Variants in PPARGC1B observed in about 807,000 individuals in gnomAD.
PPARGC1B encodes PPARG coactivator 1 beta, also known as peroxisome proliferator-activated receptor gamma coactivator 1-beta.
In PPARGC1B, 34 loss-of-function variants were observed where a neutral mutation model predicts 101.6. That is an observed-to-expected ratio of 0.33 (90% CI 0.25 to 0.45). PPARGC1B has a LOEUF of 0.45. Ranked by LOEUF, PPARGC1B falls within the 20% of genes least tolerant of loss-of-function variation. The pLI, the probability that PPARGC1B is intolerant of heterozygous loss-of-function variation, is 1.00. For missense variants in PPARGC1B, 1,234 were observed against 1,317.6 expected, an observed-to-expected ratio of 0.94 and a Z score of 0.98; for synonymous variants, 548 against 539.3, an observed-to-expected ratio of 1.02 and a Z score of -0.22.
At chr5:149,782,379 G>A (rs1756629968) in intron 1 of PPARGC1B, among the ~76,000 whole-genome samples, 1 of 152,164 alleles carries the variant, frequency 6.6e-6, no homozygotes, top group Non-Finnish European at 1.5e-5. Context: ...CCCAAGCAGT[G>A]GGTTCCTAAT....
chr5:149,821,623 T>A (rs763653549), intron 2 of PPARGC1B, among the ~76,000 whole-genome samples: 28 of 152,352 alleles, frequency 1.8e-4, no homozygotes, highest in Middle Eastern at 3.4e-3. Flanking sequence ...TAACATCGCG[T>A]GTGCTGAACA....
Position 149,832,807 on chromosome 5 carries a change from A to C in PPARGC1B, c.734A>C (p.Lys245Thr). ...CTCCAGAGTCCCCGGCTCCCTGCCA[A>C]GGAGGACAAGGAGCCGGGTGAGGAC... ...PCLQSPRLPA[K>T]EDKEPGEDCP... The change falls in exon 5 of 12, where the codon AAG becomes ACG. Residue 245 changes from lysine to threonine, a missense_variant. By Grantham distance (78) the Lys-to-Thr change is moderately conservative. This residue lies in a region of PPARGC1B where 734 missense variants were observed against 768.4 expected (regional missense o/e 0.96). Transcript: ENST00000309241. The surrounding 1 kb of genome is among the most constrained non-coding windows in gnomAD (Gnocchi z 4.9). 1.2e-6 allele frequency: 2 copies of C among 1,611,994 alleles called. No homozygotes were observed. The highest frequency in any genetic ancestry group is 1.7e-6 in the Non-Finnish European group (2 of 1,178,950).
intron 1 of PPARGC1B, among the ~76,000 whole-genome samples, chr5:149,739,111 T>G (rs145595165): frequency 6.6e-6 from 1 of 152,236 alleles, no homozygotes; most frequent in Non-Finnish European, 1.5e-5. Context: ...AACTTTGTAT[T>G]TTAAACATTT....
In PPARGC1B at chr5:149,730,382, C is replaced by T; in HGVS notation, c.40C>T (p.Leu14Phe). 3 of 1,575,526 alleles carry T rather than the reference C, an allele frequency of 1.9e-6. No homozygotes were observed. Among genetic ancestry groups the T allele is most frequent in the East Asian group, 2.4e-5 (1 of 41,540 alleles). ...CTGCGGCGCGCTGCTGGACGAAGAG[C>T]TCTCCTCCTTCTTCCTCAACTATCT... ...NDCGALLDEE[L>F]SSFFLNYLAD... The change falls in exon 1 of 12, where the codon CTC becomes TTC. Residue 14 changes from leucine to phenylalanine, a missense_variant. Transcript: ENST00000309241. This position sits in a 1 kb window ranked among gnomAD's most constrained non-coding sequence, Gnocchi z 4.0.
intron 1 of PPARGC1B, among the ~76,000 whole-genome samples, chr5:149,734,365 TG>T (rs1754613829): frequency 2.0e-5 from 3 of 147,984 alleles, no homozygotes; most frequent in Non-Finnish European, 4.5e-5. Context: ...CTGAATATAC[TG>T]ATTTGTAACT....
chr5:149,836,494 G>A lies in PPARGC1B; in HGVS notation c.2039G>A (p.Gly680Asp). 2 of 1,614,022 alleles carry A rather than the reference G, an allele frequency of 1.2e-6. No homozygotes were observed. Among genetic ancestry groups the A allele is most frequent in the South Asian group, 1.1e-5 (1 of 91,084 alleles). ...HATAQPASQA[G>D]QKRPFSCSFG... ...ACAGCCCAGCCAGCCTCCCAGGCTG[G>A]CCAGAAGCGTCCCTTCTCCTGTTCC... The change falls in exon 8 of 12, where the codon GGC (glycine) becomes GAC (aspartate). Residue 680 changes from glycine (G) to aspartate (D), a missense_variant. Physicochemically the swap from Gly to Asp is moderately conservative, Grantham distance 94. Coordinates refer to ENST00000309241, the MANE Select transcript of PPARGC1B (RefSeq NM_133263.4).
intron 1 of PPARGC1B, among the ~76,000 whole-genome samples, chr5:149,755,880 G>C (rs1448124993): frequency 6.6e-6 from 1 of 152,030 alleles, no homozygotes; most frequent in Non-Finnish European, 1.5e-5. Context: ...CTGACTTCAG[G>C]TAATCCACCC....
intron 4 of PPARGC1B, among the ~76,000 whole-genome samples, chr5:149,831,640 A>G (rs113874251): frequency 0.034 from 5,123 of 152,194 alleles, 112 homozygotes; most frequent in African/African-American, 0.068. Flanking sequence ...CAGCAGCCAC[A>G]CCCCATTGTG....
At chr5:149,822,361 G>A (rs890667002) in intron 2 of PPARGC1B, among the ~76,000 whole-genome samples, 12 of 152,174 alleles carry the variant, frequency 7.9e-5, no homozygotes, top group African/African-American at 2.9e-4. Context: ...AGTCCTCACA[G>A]CTGGCTGAGC....
chr5:149,820,612 C>A lies in PPARGC1B; in HGVS notation c.252+6C>A. On this transcript the variant is annotated splice_donor_region_variant and intron_variant, in intron 2 of 11. Coordinates refer to ENST00000309241, the MANE Select transcript of PPARGC1B (RefSeq NM_133263.4). Reference sequence around the variant, plus strand: ...ATGACTCCGAGCTCTTCCAGGTATGCCCTTTCCAGTCTCCCCTCCTCCCAC... The same window carrying A: ...ATGACTCCGAGCTCTTCCAGGTATGACCTTTCCAGTCTCCCCTCCTCCCAC... The A allele has an allele frequency of 6.2e-7, 1 of 1,603,602 alleles. No individual in the cohort carries two copies. Among genetic ancestry groups the A allele is most frequent in the Non-Finnish European group, 8.5e-7 (1 of 1,176,048 alleles).
chr5:149,818,347 G>A (rs1425060472), intron 1 of PPARGC1B, among the ~76,000 whole-genome samples: 1 of 152,222 alleles, frequency 6.6e-6, no homozygotes, highest in Non-Finnish European at 1.5e-5. Flanking sequence ...TCAATAATGA[G>A]GATTGTGGAA....
chr5:149,731,139 A>G (rs1299661540), intron 1 of PPARGC1B, among the ~76,000 whole-genome samples: 2 of 151,300 alleles, frequency 1.3e-5, no homozygotes, highest in African/African-American at 4.9e-5. Flanking sequence ...TCCACGATGC[A>G]GGGGGAAGGG....
At chr5:149,855,813 G>A (rs1339531980), downstream of PPARGC1B, among the ~76,000 whole-genome samples, 9 of 152,140 alleles carry the variant, frequency 5.9e-5, no homozygotes, top group African/African-American at 2.2e-4. Context: ...CTGGCAAAGA[G>A]AATTATATAT....
At chr5:149,765,860 C>CAAAA (rs10712476) in intron 1 of PPARGC1B, among the ~76,000 whole-genome samples, 3 of 88,836 alleles carry the variant, frequency 3.4e-5, no homozygotes, top group African/African-American at 8.5e-5. Context: ...GACTCCGTCT[C>CAAAA]AAAAAAAAAA....
At position 149,836,726 on chromosome 5, in the gene PPARGC1B, C is replaced by T. The variant is rs1759098830; in HGVS notation, c.2271C>T (p.Asp757=). The change falls in exon 8 of 12, where the codon GAC becomes GAT. Residue 757 remains aspartate, a synonymous_variant. Coordinates refer to ENST00000309241, the MANE Select transcript of PPARGC1B (RefSeq NM_133263.4). The part of the protein sequence containing the change: ...APPKDSTLLR[D]HEIRASLTKH... Reference sequence around the variant, plus strand: ...CCAAGGACAGCACGCTGCTGAGAGACCATGAGATCCGTGCCAGCCTCACCA... The same window carrying T: ...CCAAGGACAGCACGCTGCTGAGAGATCATGAGATCCGTGCCAGCCTCACCA... The T allele has an allele frequency of 6.2e-7, 1 of 1,613,510 alleles. No individual in the cohort carries two copies. Among genetic ancestry groups the T allele is most frequent in the African/African-American group, 1.3e-5 (1 of 74,920 alleles).
intron 1 of PPARGC1B, among the ~76,000 whole-genome samples, chr5:149,798,505 CAGAGAT>C (rs1757314214): frequency 6.6e-6 from 1 of 152,174 alleles, no homozygotes; most frequent in Non-Finnish European, 1.5e-5. Flanking sequence ...GGTATGTGAT[CAGAGAT>C]AGAGAAGCAT....
chr5:149,756,148 G>A (rs1755512860), intron 1 of PPARGC1B, among the ~76,000 whole-genome samples: 2 of 152,134 alleles, frequency 1.3e-5, no homozygotes, highest in South Asian at 4.1e-4. Flanking sequence ...CACATAGGAG[G>A]CACTTAATAA....
Position 149,797,337 on chromosome 5 carries a change from T to A in PPARGC1B, c.79-23096T>A, listed in dbSNP as rs563870917. Among the ~76,000 whole-genome samples the A allele has an allele frequency of 1.1e-4, 16 of 152,372 alleles. No homozygotes were observed. The South Asian group carries it at 3.3e-3, about 32-fold the overall frequency. On this transcript the variant is annotated intron_variant, in intron 1 of 11. Transcript: ENST00000309241. Reference sequence around the variant, plus strand: ...TGTTTTCATGAATCTCTAGCTGAAATTTAGCATTTCCTTTATGAATGTAGG... The same window carrying A: ...TGTTTTCATGAATCTCTAGCTGAAAATTAGCATTTCCTTTATGAATGTAGG...
At chr5:149,770,329 C>G (rs1338474643) in intron 1 of PPARGC1B, among the ~76,000 whole-genome samples, 1 of 152,136 alleles carries the variant, frequency 6.6e-6, no homozygotes, top group African/African-American at 2.4e-5. Flanking sequence ...CGAGAACACT[C>G]TAATTGTTTC....
Sources: gnomAD v4.1 joint callset for allele counts (sites outside exome capture counted in the v4.1 genomes callset) on GRCh38, gnomAD v4.1.1 for gene constraint, gnomAD v4.1.1 regional missense constraint, Gnocchi (gnomAD v3.1) non-coding constraint, MANE v1.5 for transcripts, NCBI Gene and HGNC (gene_info 2026-07-23, HGNC 2026-07-21) for gene names.